TRDN: variants seen among roughly 807,000 people sequenced by gnomAD.
TRDN encodes triadin in skeletal muscle.
TRDN carries 161 observed loss-of-function variants against 149.7 expected under a neutral mutation model. The ratio of observed to expected loss-of-function variants is 1.08; its 90% CI spans 0.95 to 1.23. The LOEUF is 1.23. Among genes scored for constraint, TRDN ranks in the 50% most tolerant of loss-of-function variants. The pLI is 0.00. For synonymous variants in TRDN, 294 were observed against 250.5 expected (o/e 1.17, Z -1.64); for missense variants, 896 against 823.5 (o/e 1.09, Z -1.08).
chr6:123,313,629 C>G (rs1258619905), intron 24 of TRDN, among the ~76,000 whole-genome samples: 1 of 151,826 alleles, frequency 6.6e-6, no homozygotes, highest in Non-Finnish European at 1.5e-5. Flanking sequence ...AAATGGCAGC[C>G]CTTCCTCTGG....
chr6:123,552,734 C>CA (rs1458579058), intron 2 of TRDN, among the ~76,000 whole-genome samples: 1 of 152,036 alleles, frequency 6.6e-6, no homozygotes, highest in Non-Finnish European at 1.5e-5. Context: ...TGGAGGACTC[C>CA]AATTTTGCAC....
At chr6:123,511,989 ATT>A (rs58869649) in intron 7 of TRDN, among the ~76,000 whole-genome samples, 8 of 141,284 alleles carry the variant, frequency 5.7e-5, no homozygotes, top group African/African-American at 1.3e-4. Flanking sequence ...TGCCTCTGCA[ATT>A]TTTTTTTTTT....
At chr6:123,235,951 G>A (rs1305946645) in intron 38 of TRDN, among the ~76,000 whole-genome samples, 1 of 152,162 alleles carries the variant, frequency 6.6e-6, no homozygotes, top group Non-Finnish European at 1.5e-5. Flanking sequence ...GGACATTTGG[G>A]TTATTTCCAG....
chr6:123,315,172 T>G (rs903394044), intron 24 of TRDN, among the ~76,000 whole-genome samples: 1 of 152,016 alleles, frequency 6.6e-6, no homozygotes, highest in Non-Finnish European at 1.5e-5. Context: ...TTTATCTGAT[T>G]AGTGAGTTTT....
chr6:123,438,023 T>G, intron 12 of TRDN, 40 bp downstream of exon 12: 1 of 1,530,958 alleles, frequency 6.5e-7, no homozygotes, highest in Non-Finnish European at 9.0e-7. Context: ...GCAAACATCC[T>G]GAACGTAATC....
chr6:123,301,320 A>ACTAT (rs1228821453), intron 24 of TRDN, among the ~76,000 whole-genome samples: 4 of 151,958 alleles, frequency 2.6e-5, no homozygotes, highest in African/African-American at 7.2e-5. Context: ...GTAAAAGATA[A>ACTAT]CTATCTGTGA....
intron 14 of TRDN, among the ~76,000 whole-genome samples, chr6:123,385,403 G>A (rs368924228): frequency 2.7e-5 from 4 of 145,868 alleles, no homozygotes; most frequent in South Asian, 4.4e-4. Context: ...CAGCCTGGGC[G>A]ACAGAGCGAG....
At chr6:123,563,362 C>T (rs1020833560) in intron 2 of TRDN, among the ~76,000 whole-genome samples, 2 of 152,160 alleles carry the variant, frequency 1.3e-5, no homozygotes, top group African/African-American at 2.4e-5. Context: ...AAATAAAAAA[C>T]TACTTCTGGC....
intron 26 of TRDN, 116 bp downstream of exon 26, chr6:123,278,202 G>A (rs1777445616): frequency 2.8e-6 from 2 of 716,222 alleles, no homozygotes; most frequent in Non-Finnish European, 4.0e-6. Context: ...TTTTAAGTTG[G>A]TCAAGGATAA....
chr6:123,612,526 A>T (rs1163905360), intron 1 of TRDN, among the ~76,000 whole-genome samples: 1 of 152,064 alleles, frequency 6.6e-6, no homozygotes, highest in Non-Finnish European at 1.5e-5. Flanking sequence ...AGTAAGGAGA[A>T]TCACTTGTGT....
chr6:123,317,480 T>C (rs1193739550), intron 23 of TRDN, among the ~76,000 whole-genome samples: 2 of 152,052 alleles, frequency 1.3e-5, no homozygotes, highest in Admixed American at 1.3e-4. Flanking sequence ...TTTTATATAA[T>C]AAAGAATGTC....
intron 7 of TRDN, among the ~76,000 whole-genome samples, chr6:123,508,531 C>T (rs9398732): frequency 0.29 from 43,373 of 151,948 alleles, 6,905 homozygotes; most frequent in East Asian, 0.63. Context: ...ACAGCCTGGC[C>T]CAAACTTGGC....
At chr6:123,559,877 A>G (rs150306580) in intron 2 of TRDN, among the ~76,000 whole-genome samples, 1,697 of 152,192 alleles carry the variant, frequency 0.011, 37 homozygotes, top group African/African-American at 0.038. Context: ...CTGGATCTCA[A>G]ACATGCTTTC....
chr6:123,218,517 A>G lies in TRDN; in HGVS notation c.*84T>C. The G allele has an allele frequency of 1.4e-6, 2 of 1,469,436 alleles. No individual in the cohort carries two copies. The highest frequency in any genetic ancestry group is 2.3e-5 in the East Asian group (1 of 42,960). 91.0% of individuals were successfully genotyped at this position (1,469,436 alleles called of 1,614,324 possible). A position where few individuals can be genotyped will look rare whatever the true frequency, so the allele number is the denominator to read the frequency against. On this transcript the variant is annotated 3_prime_UTR_variant, in exon 41 of 41. Coordinates refer to ENST00000334268, the MANE Select transcript of TRDN (RefSeq NM_006073.4). ...TTTTCACAGAAATTCTCTGGGTTGC[A>G]TATTCTTAATTGCCTGAACTACTGT...
intron 12 of TRDN, chr6:123,428,998 T>G (rs1232704125): frequency 6.6e-6 from 1 of 152,142 alleles, no homozygotes; most frequent in Non-Finnish European, 1.5e-5. Context: ...GAGTCAGACC[T>G]ACAGGATCTC....
intron 1 of TRDN, among the ~76,000 whole-genome samples, chr6:123,572,383 C>T (rs969759803): frequency 1.4e-4 from 21 of 152,092 alleles, no homozygotes; most frequent in South Asian, 8.3e-4. Flanking sequence ...ATATACAGAA[C>T]GTACATCTAA....
chr6:123,250,807 A>G (rs1776346826), intron 38 of TRDN, among the ~76,000 whole-genome samples: 1 of 152,118 alleles, frequency 6.6e-6, no homozygotes, highest in Non-Finnish European at 1.5e-5. Context: ...TCTAGGAGGA[A>G]GTAAACCATA....
At chr6:123,456,712 A>G (rs952228594) in intron 10 of TRDN, 1 of 436,614 alleles carries the variant, frequency 2.3e-6, no homozygotes, top group Admixed American at 2.4e-5. Flanking sequence ...GAAGCGATCC[A>G]CCCACCTTGG....
Position 123,548,596 on chromosome 6 carries a change from C to A in TRDN, c.249G>T (p.Lys83Asn). ...YKNFSASSIA[K>N]IGSDPLKLVR... ...CCAGTTTTAAAGGATCTGAGCCAAT[C>A]TTGGCAATAGAGCTTGCTAAAAGTA... The change falls in exon 3 of 41, where the codon AAG (lysine) becomes AAT (asparagine). Residue 83 changes from lysine (K) to asparagine (N), a missense_variant. Transcript: ENST00000334268. 1 of 1,463,316 alleles carries A rather than the reference C, an allele frequency of 6.8e-7. No individual in the cohort carries two copies. Among genetic ancestry groups the A allele is most frequent in the Admixed American group, 2.5e-5 (1 of 39,316 alleles). 90.6% of individuals were successfully genotyped at this position (1,463,316 alleles called of 1,614,324 possible). A position where few individuals can be genotyped will look rare whatever the true frequency, so the allele number is the denominator to read the frequency against.
Sources: allele counts gnomAD v4.1 joint callset (sites outside exome capture counted in the v4.1 genomes callset), GRCh38; gene constraint gnomAD v4.1.1; transcripts MANE v1.5; gene names NCBI Gene and HGNC (gene_info 2026-07-23, HGNC 2026-07-21).